Variants in CASS4 observed in about 807,000 individuals in gnomAD.
The protein encoded by CASS4 is cas scaffolding protein family member 4.
CASS4 carries 22 observed loss-of-function variants against 54.2 expected under a neutral mutation model. The ratio of observed to expected loss-of-function variants is 0.41; its 90% CI spans 0.29 to 0.58. CASS4 has a LOEUF of 0.58. Ranked by LOEUF, CASS4 falls within the 20% of genes least tolerant of loss-of-function variation. The pLI is 0.36. For missense variants in CASS4, 854 were observed against 986.7 expected, an observed-to-expected ratio of 0.87 and a Z score of 1.80; for synonymous variants, 409 against 391.5, an observed-to-expected ratio of 1.04 and a Z score of -0.53.
chr20:56,447,091 C>G (rs948439936), intron 3 of CASS4, among the ~76,000 whole-genome samples: 1 of 151,754 alleles, frequency 6.6e-6, no homozygotes, highest in Non-Finnish European at 1.5e-5. Context: ...GCCTGTAGTC[C>G]CAGCTACTAG....
chr20:56,458,207 G>T, intron 5 of CASS4, 133 bp from the exon 6 acceptor site: 1 of 735,586 alleles, frequency 1.4e-6, no homozygotes, highest in East Asian at 2.7e-5. Flanking sequence ...TTGCAGTATT[G>T]GGCTTCCCAA....
At chr20:56,420,449 C>G (rs985522157) in intron 1 of CASS4, among the ~76,000 whole-genome samples, 1 of 152,014 alleles carries the variant, frequency 6.6e-6, no homozygotes, top group African/African-American at 2.4e-5. Flanking sequence ...AGTGCAGTGG[C>G]GTTATCATAG....
chr20:56,435,651 A>G (rs1980116858), intron 1 of CASS4, among the ~76,000 whole-genome samples: 1 of 152,216 alleles, frequency 6.6e-6, no homozygotes, highest in Admixed American at 6.5e-5. Flanking sequence ...CTGAAAGAGC[A>G]TGGGTTGGAG....
intron 1 of CASS4, among the ~76,000 whole-genome samples, chr20:56,417,295 C>A (rs995021363): frequency 6.6e-6 from 1 of 152,220 alleles, no homozygotes; most frequent in African/African-American, 2.4e-5. Context: ...TGACCTGGCC[C>A]TTCAGGGCCC....
chr20:56,457,832 T>C (rs1981370946), intron 5 of CASS4, among the ~76,000 whole-genome samples: 1 of 152,008 alleles, frequency 6.6e-6, no homozygotes, highest in African/African-American at 2.4e-5. Flanking sequence ...CTGGCCAACA[T>C]GGTGAAACCC....
intron 1 of CASS4, among the ~76,000 whole-genome samples, chr20:56,427,839 G>C (rs1205651862): frequency 6.6e-6 from 1 of 152,186 alleles, no homozygotes; most frequent in East Asian, 1.9e-4. Flanking sequence ...TAGTAACTAA[G>C]AATTCTTGGA....
intron 1 of CASS4, among the ~76,000 whole-genome samples, chr20:56,435,861 C>G (rs988029347): frequency 2.0e-5 from 3 of 152,254 alleles, no homozygotes; most frequent in Admixed American, 1.3e-4. Context: ...AGCGACTTTC[C>G]TGACTCAGTC....
At chr20:56,413,719 A>G (rs1979000759) in intron 1 of CASS4, among the ~76,000 whole-genome samples, 2 of 148,494 alleles carry the variant, frequency 1.3e-5, no homozygotes, top group African/African-American at 5.0e-5. Context: ...GGAATTTGTG[A>G]CTGAGTAACC....
At position 56,452,202 on chromosome 20, in the gene CASS4, G is replaced by A; in HGVS notation, c.1026G>A (p.Gln342=). ...GCTTTCTGATTCCCCGAGTGGAACA[G>A]CAGAACACCAAGCCCAATATTTATG... is the stretch of plus-strand genomic sequence containing the variant. ...PSSFLIPRVE[Q]QNTKPNIYDI... is the part of the protein sequence containing the mutation. The change falls in exon 5 of 6, where the codon CAG becomes CAA. Residue 342 remains glutamine, a synonymous_variant. Coordinates refer to ENST00000679887, the MANE Select transcript of CASS4 (RefSeq NM_020356.4). 1 of 1,614,198 alleles carries A rather than the reference G, an allele frequency of 6.2e-7. No homozygotes were observed. Among genetic ancestry groups the A allele is most frequent in the Non-Finnish European group, 8.5e-7 (1 of 1,180,040 alleles).
chr20:56,417,144 C>T (rs1600742088), intron 1 of CASS4, among the ~76,000 whole-genome samples: 1 of 152,200 alleles, frequency 6.6e-6, no homozygotes, highest in East Asian at 1.9e-4. Context: ...TGCTTCTGGG[C>T]AAGAAAGCCT....
At chr20:56,413,295 G>A (rs1234866215) in intron 1 of CASS4, among the ~76,000 whole-genome samples, 3 of 151,924 alleles carry the variant, frequency 2.0e-5, no homozygotes, top group African/African-American at 7.3e-5. Context: ...TAAATTTTAA[G>A]TAGAACAGGA....
intron 3 of CASS4, 53 bp from the exon 4 acceptor site, chr20:56,450,546 T>C: frequency 6.6e-7 from 1 of 1,514,998 alleles, no homozygotes; most frequent in Non-Finnish European, 9.2e-7. Flanking sequence ...TCGTGATGTG[T>C]AGCCATTAGG....
At chr20:56,457,141 CT>C (rs1266830635) in intron 5 of CASS4, among the ~76,000 whole-genome samples, 3 of 152,174 alleles carry the variant, frequency 2.0e-5, no homozygotes, top group Non-Finnish European at 2.9e-5. Flanking sequence ...CTTCCTCTTC[CT>C]TGTCTAACTT....
chr20:56,432,883 CA>C (rs1979977053), intron 1 of CASS4, among the ~76,000 whole-genome samples: 1 of 134,246 alleles, frequency 7.4e-6, no homozygotes, highest in African/African-American at 3.8e-5. Flanking sequence ...GAAGGTCATC[CA>C]AAAGTGTGGG....
At chr20:56,453,857 G>C (rs747531773) in intron 5 of CASS4, 1 of 152,218 alleles carries the variant, frequency 6.6e-6, no homozygotes, top group African/African-American at 2.4e-5. Flanking sequence ...CTTGGTGACA[G>C]AGCAAGAGCT....
chr20:56,416,757 T>C (rs1979157930), intron 1 of CASS4, among the ~76,000 whole-genome samples: 1 of 152,190 alleles, frequency 6.6e-6, no homozygotes, highest in African/African-American at 2.4e-5. Flanking sequence ...AAACCTACTT[T>C]CCCCAGTATT....
Position 56,412,564 on chromosome 20 carries a change from A to C in CASS4, c.36+70A>C, listed in dbSNP as rs1978934716. On this transcript the variant is annotated intron_variant, in intron 1 of 5. Coordinates refer to ENST00000679887, the MANE Select transcript of CASS4 (RefSeq NM_020356.4). The surrounding 1 kb of genome is among the most constrained non-coding windows in gnomAD (Gnocchi z 4.2). ...GCTGTGATGATTAAGGGTGTTGACC[A>C]GCTTTAGTTGTGACTTTCTAATAAA... 6.6e-7 allele frequency: 1 copy of C among 1,512,190 alleles called. No homozygotes were observed. The highest frequency in any genetic ancestry group is 9.1e-7 in the Non-Finnish European group (1 of 1,103,922). 93.7% of individuals were successfully genotyped at this position (1,512,190 alleles called of 1,614,324 possible).
chr20:56,446,081 C>A, intron 3 of CASS4, 80 bp downstream of exon 3: 1 of 907,234 alleles, frequency 1.1e-6, no homozygotes, highest in Non-Finnish European at 1.7e-6. Context: ...GCCCACATTG[C>A]ATTTCAGCAT....
At chr20:56,455,103 C>T (rs1600777830) in intron 5 of CASS4, among the ~76,000 whole-genome samples, 1 of 149,584 alleles carries the variant, frequency 6.7e-6, no homozygotes, top group African/African-American at 2.5e-5. Flanking sequence ...ATCTTCAACA[C>T]CTCTTTTACA....
Sources: gnomAD v4.1 joint callset for allele counts (sites outside exome capture counted in the v4.1 genomes callset) on GRCh38, gnomAD v4.1.1 for gene constraint, Gnocchi (gnomAD v3.1) non-coding constraint, MANE v1.5 for transcripts, NCBI Gene and HGNC (gene_info 2026-07-23, HGNC 2026-07-21) for gene names.